PON3: variants seen among roughly 807,000 people sequenced by gnomAD.
PON3 encodes the protein paraoxonase 3.
A neutral mutation model predicts 36.3 loss-of-function variants in PON3; 37 were observed. That is an observed-to-expected ratio of 1.02 (90% CI 0.78 to 1.34). The LOEUF is 1.34. PON3 is among the 40% of genes most tolerant of loss of function. The pLI is 0.00. For synonymous variants in PON3, 155 were observed against 154.8 expected (o/e 1.00, Z -0.01); for missense variants, 415 against 426.5 (o/e 0.97, Z 0.24).
chr7:95,378,750 G>A (rs1191699386), intron 3 of PON3, among the ~76,000 whole-genome samples: 3 of 152,106 alleles, frequency 2.0e-5, no homozygotes, highest in Non-Finnish European at 4.4e-5. Flanking sequence ...GCTCCTGAAG[G>A]AAGCACTAAA....
chr7:95,384,239 A>G (rs1237217073), intron 3 of PON3, among the ~76,000 whole-genome samples: 2 of 152,198 alleles, frequency 1.3e-5, no homozygotes, highest in Admixed American at 1.3e-4. Flanking sequence ...AAGACCTAAA[A>G]CCATAAAAAC....
Position 95,359,876 on chromosome 7 carries a change from T to G in PON3, c.*97A>C, listed in dbSNP as rs1808524290. 3 of 1,245,900 alleles carry G rather than the reference T, an allele frequency of 2.4e-6. No individual in the cohort carries two copies. In the South Asian group the frequency reaches 3.9e-5, roughly 16 times the overall value. The allele number at this position is 1,245,900 out of a possible 1,614,324, so 77.2% of individuals were successfully genotyped here. A position where few individuals can be genotyped will look rare whatever the true frequency, so the allele number is the denominator to read the frequency against. ...AAGAAAAGCCACACTCACTGGTTGG[T>G]GTTTGCTATTTACTTACAGTGCCAC... On this transcript the variant is annotated 3_prime_UTR_variant, in exon 9 of 9. Transcript: ENST00000265627.
At chr7:95,380,137 C>A (rs542111629) in intron 3 of PON3, among the ~76,000 whole-genome samples, 1 of 152,182 alleles carries the variant, frequency 6.6e-6, no homozygotes, top group East Asian at 1.9e-4. Context: ...CTGCAGCTGA[C>A]GGTCCTCACT....
chr7:95,359,959 T>TTTTTTTTTTTTTTTTTTTTATTTTA lies in PON3; in HGVS notation c.*13_*14insTAAAATAAAAAAAAAAAAAAAAAAA, dbSNP rs1808526779. The TTTTTTTTTTTTTTTTTTTTATTTTA allele has an allele frequency of 6.3e-7, 1 of 1,595,648 alleles. No individual in the cohort carries two copies. Reference sequence around the variant, plus strand: ...ATATGTAGACTTTTTTTTTTTTTTTTTACTATCTAGAGTCTAGAGCTCACA... The same window carrying TTTTTTTTTTTTTTTTTTTTATTTTA: ...ATATGTAGACTTTTTTTTTTTTTTTTTTTTTTTTTTTTTTTTTTTATTTTATACTATCTAGAGTCTAGAGCTCACA... On this transcript the variant is annotated 3_prime_UTR_variant, in exon 9 of 9. Coordinates refer to ENST00000265627, the MANE Select transcript of PON3 (RefSeq NM_000940.3).
chr7:95,382,059 C>A lies in PON3; in HGVS notation c.201+8095G>T, dbSNP rs1585729034. 2.6e-5 allele frequency among the ~76,000 whole-genome samples: 4 copies of A among 152,264 alleles called. No homozygotes were observed. The South Asian group carries it at 8.3e-4, about 32-fold the overall frequency. On this transcript the variant is annotated intron_variant, in intron 3 of 8. Coordinates refer to ENST00000265627, the MANE Select transcript of PON3 (RefSeq NM_000940.3). The stretch of plus-strand genomic sequence containing the variant: ...CAGGATTAAGAAACTCACTCAAAAC[C>A]ACTGAGCTACATGGAAACTGAACAA...
In PON3 at chr7:95,372,213, T is replaced by C. The variant is rs747652759; in HGVS notation, c.327A>G (p.Glu109=). 1 of 1,613,832 alleles carries C rather than the reference T, an allele frequency of 6.2e-7. No individual in the cohort carries two copies. Among genetic ancestry groups the C allele is most frequent in the Admixed American group, 1.7e-5 (1 of 60,008 alleles). ...TACTGATCCCATGTGGATTAAATAA[T>C]TCTTTGTCAAATCCACCACTGATTT... The part of the protein sequence containing the change: ...ALEISGGFDK[E]LFNPHGISIF... Residue 109 remains glutamate, a synonymous_variant, in exon 4 of 9, where the codon GAA becomes GAG. Transcript: ENST00000265627.
In PON3 at chr7:95,372,156, A is replaced by G; in HGVS notation, c.367+17T>C. 3.7e-6 allele frequency: 6 copies of G among 1,610,356 alleles called. No homozygotes were observed. The highest frequency in any genetic ancestry group is 5.1e-6 in the Non-Finnish European group (6 of 1,176,690). On this transcript the variant is annotated intron_variant, in intron 4 of 8. Coordinates refer to ENST00000265627, the MANE Select transcript of PON3 (RefSeq NM_000940.3). ...TTTCCCTCATTTCCCCCTTATCCCT[A>G]AACATACAGGTTTTACCTTTGTCGA...
intron 6 of PON3, 29 bp from the exon 7 acceptor site, chr7:95,362,870 G>A (rs747913525): frequency 7.9e-6 from 12 of 1,511,680 alleles, no homozygotes; most frequent in African/African-American, 1.4e-5. Flanking sequence ...TTACACTTAA[G>A]CAAGTGGTAA....
chr7:95,382,402 A>G (rs1446938728), intron 3 of PON3, among the ~76,000 whole-genome samples: 1 of 152,192 alleles, frequency 6.6e-6, no homozygotes, highest in Non-Finnish European at 1.5e-5. Flanking sequence ...CAAAAAATCA[A>G]TGAATCCAGG....
At chr7:95,375,799 A>C (rs1348895850) in intron 3 of PON3, among the ~76,000 whole-genome samples, 1 of 152,226 alleles carries the variant, frequency 6.6e-6, no homozygotes, top group Non-Finnish European at 1.5e-5. Flanking sequence ...TGTGGCAGCA[A>C]ACCAACTGTG....
chr7:95,378,553 C>T (rs961847826), intron 3 of PON3, among the ~76,000 whole-genome samples: 1 of 152,238 alleles, frequency 6.6e-6, no homozygotes, highest in Non-Finnish European at 1.5e-5. Flanking sequence ...AACAGCTGAT[C>T]TCTCGGCACA....
chr7:95,391,307 C>T (rs188301914), intron 2 of PON3, among the ~76,000 whole-genome samples: 9 of 152,210 alleles, frequency 5.9e-5, no homozygotes, highest in Admixed American at 2.0e-4. Context: ...AGAGAAGATA[C>T]GTAGGTATTA....
Position 95,386,908 on chromosome 7 carries a change from A to C in PON3, c.201+3246T>G, listed in dbSNP as rs576178331. 2.4e-4 allele frequency among the ~76,000 whole-genome samples: 36 copies of C among 152,330 alleles called. No individual in the cohort carries two copies. The East Asian group carries it at 6.6e-3, about 28-fold the overall frequency. On this transcript the variant is annotated intron_variant, in intron 3 of 8. Coordinates refer to ENST00000265627, the MANE Select transcript of PON3 (RefSeq NM_000940.3). ...ACCACATGATTATCTCAATAGATGC[A>C]GAAAAGGCCTTCGACAAAATTCAAC...
chr7:95,376,643 TA>T (rs550088571), intron 3 of PON3, among the ~76,000 whole-genome samples: 4,680 of 142,660 alleles, frequency 0.033, 216 homozygotes, highest in African/African-American at 0.11. Context: ...CAGTGAAAAT[TA>T]AAAAAAAAAA....
chr7:95,367,560 C>A, intron 4 of PON3, 72 bp from the exon 5 acceptor site: 1 of 1,556,584 alleles, frequency 6.4e-7, no homozygotes, highest in Non-Finnish European at 8.8e-7. Flanking sequence ...TGTTTTAAAA[C>A]TTGGTCACTT....
intron 6 of PON3, 132 bp downstream of exon 6, chr7:95,363,731 C>T: frequency 2.2e-6 from 2 of 905,888 alleles, no homozygotes; most frequent in Non-Finnish European, 3.6e-6. Flanking sequence ...TAGTGTGAAC[C>T]CTGGCCACAA....
intron 6 of PON3, among the ~76,000 whole-genome samples, chr7:95,363,295 A>C (rs1808617581): frequency 6.6e-6 from 1 of 152,180 alleles, no homozygotes; most frequent in African/African-American, 2.4e-5. Flanking sequence ...TCTCAAATAT[A>C]CATGTTAATA....
chr7:95,375,400 T>A (rs1438964977), intron 3 of PON3, among the ~76,000 whole-genome samples: 2 of 150,814 alleles, frequency 1.3e-5, no homozygotes, highest in Non-Finnish European at 3.0e-5. Flanking sequence ...TACATATAAA[T>A]ATATTAGGGG....
intron 1 of PON3, 35 bp downstream of exon 1, chr7:95,396,241 AG>A: frequency 1.3e-6 from 2 of 1,560,982 alleles, no homozygotes; most frequent in Non-Finnish European, 1.7e-6. Flanking sequence ...GAGGAGAGAA[AG>A]AGAGTCGAAG....
Sources: allele counts gnomAD v4.1 joint callset (sites outside exome capture counted in the v4.1 genomes callset), GRCh38; gene constraint gnomAD v4.1.1; transcripts MANE v1.5; gene names NCBI Gene and HGNC (gene_info 2026-07-23, HGNC 2026-07-21).